PLS1: variants seen among roughly 807,000 people sequenced by gnomAD.
The protein encoded by PLS1 is plastin 1.
Under a neutral mutation model 73.7 loss-of-function variants are expected in PLS1, and 32 were observed. The ratio of observed to expected loss-of-function variants is 0.43; its 90% CI spans 0.33 to 0.58. The LOEUF (loss-of-function observed/expected upper bound fraction) is 0.58, where lower values mean the gene tolerates loss of function less well. PLS1 is among the 20% of genes least tolerant of loss of function. The pLI, the probability that PLS1 is intolerant of heterozygous loss-of-function variation, is 0.04. For missense variants in PLS1, 633 were observed against 740.5 expected, an observed-to-expected ratio of 0.85 and a Z score of 1.68; for synonymous variants, 217 against 261.3, an observed-to-expected ratio of 0.83 and a Z score of 1.63.
At chr3:142,615,496 A>AT (rs1560030847) in intron 1 of PLS1, among the ~76,000 whole-genome samples, 1 of 151,850 alleles carries the variant, frequency 6.6e-6, no homozygotes, top group Non-Finnish European at 1.5e-5. Context: ...TCTTCCTTTT[A>AT]TTTTTTGAAC....
At chr3:142,648,971 CAT>C (rs1324924587) in intron 1 of PLS1, among the ~76,000 whole-genome samples, 2 of 152,100 alleles carry the variant, frequency 1.3e-5, no homozygotes, top group African/African-American at 4.8e-5. Context: ...ACATCTTGGA[CAT>C]ATATATATTT....
rs192380347 is a variant in PLS1, at chr3:142,610,457, A to G, written c.-37+13948A>G. On this transcript the variant is annotated intron_variant, in intron 1 of 15. Coordinates refer to ENST00000457734, the MANE Select transcript of PLS1 (RefSeq NM_001145319.2). ...GATCATACTTAAATATAGCAGCTTA[A>G]GACTTTGTAAACCTTTTAAGCAGCC... 1.2e-4 allele frequency among the ~76,000 whole-genome samples: 18 copies of G among 152,378 alleles called. No individual in the cohort carries two copies. In the East Asian group the frequency reaches 3.5e-3, roughly 29 times the overall value.
chr3:142,623,068 C>T (rs930478032), intron 1 of PLS1, among the ~76,000 whole-genome samples: 5 of 152,122 alleles, frequency 3.3e-5, no homozygotes, highest in Non-Finnish European at 5.9e-5. Flanking sequence ...AGGTGGTCCT[C>T]CTGCCTCAGC....
chr3:142,683,869 G>A, intron 6 of PLS1, 137 bp from the exon 7 acceptor site: 2 of 589,300 alleles, frequency 3.4e-6, no homozygotes, highest in Non-Finnish European at 5.8e-6. Flanking sequence ...TTTTTTTTGA[G>A]TAGTGGTATT....
chr3:142,669,677 GAT>G (rs2037563769), intron 3 of PLS1, 124 bp downstream of exon 3: 1 of 512,786 alleles, frequency 2.0e-6, no homozygotes, highest in African/African-American at 2.5e-5. Flanking sequence ...TTAAAATGAT[GAT>G]GATGATGATG....
intron 1 of PLS1, among the ~76,000 whole-genome samples, chr3:142,656,031 A>C (rs891972669): frequency 7.2e-5 from 11 of 152,028 alleles, no homozygotes; most frequent in African/African-American, 2.4e-4. Flanking sequence ...GTGCAATCTC[A>C]GTTCACTGCA....
chr3:142,646,507 AAG>A (rs1365941061), intron 1 of PLS1, among the ~76,000 whole-genome samples: 1 of 152,222 alleles, frequency 6.6e-6, no homozygotes, highest in East Asian at 1.9e-4. Flanking sequence ...GTATAGGAAA[AAG>A]TTTCTCCATA....
At chr3:142,684,899 C>A (rs1014602642) in intron 8 of PLS1, among the ~76,000 whole-genome samples, 3 of 152,182 alleles carry the variant, frequency 2.0e-5, no homozygotes, top group African/African-American at 7.2e-5. Context: ...AGAATCTTGT[C>A]AAGGAAACTA....
At chr3:142,635,087 T>C (rs2036647890) in intron 1 of PLS1, among the ~76,000 whole-genome samples, 1 of 152,082 alleles carries the variant, frequency 6.6e-6, no homozygotes, top group Non-Finnish European at 1.5e-5. Flanking sequence ...CACACTGTAA[T>C]ATTCTTATGC....
intron 1 of PLS1, among the ~76,000 whole-genome samples, chr3:142,638,181 T>G (rs2036740344): frequency 6.6e-6 from 1 of 152,230 alleles, no homozygotes; most frequent in African/African-American, 2.4e-5. Flanking sequence ...AAATAGTGCC[T>G]GGCCTTTCAC....
chr3:142,663,494 T>A (rs1327991858), intron 1 of PLS1, among the ~76,000 whole-genome samples: 1 of 152,090 alleles, frequency 6.6e-6, no homozygotes, highest in African/African-American at 2.4e-5. Context: ...GGCTAGGAGT[T>A]CAAGACCAGC....
At position 142,676,171 on chromosome 3, in the gene PLS1, GC is replaced by G; in HGVS notation, c.380del (p.Ala127ValfsTer6). The G allele has an allele frequency of 6.2e-7, 1 of 1,611,712 alleles. No homozygotes were observed. The highest frequency in any genetic ancestry group is 8.5e-7 in the Non-Finnish European group (1 of 1,179,294). On this transcript the variant is annotated frameshift_variant, in exon 5 of 16. Coordinates refer to ENST00000457734, the MANE Select transcript of PLS1 (RefSeq NM_001145319.2). LOFTEE classifies it high-confidence loss of function. ...QHSYSEEEKV[A>X]FVNWINKALE... The stretch of plus-strand genomic sequence containing the variant: ...TCTCCTTTCAGAGGAAGAAAAAGTG[GC>G]TTTTGTTAACTGGATAAACAAAGCC...
intron 11 of PLS1, among the ~76,000 whole-genome samples, chr3:142,696,410 T>G (rs1194888170): frequency 6.6e-6 from 1 of 152,160 alleles, no homozygotes; most frequent in Non-Finnish European, 1.5e-5. Flanking sequence ...AAAAGTAACA[T>G]AATCTTGGAG....
At chr3:142,617,144 A>AG (rs777914551) in intron 1 of PLS1, among the ~76,000 whole-genome samples, 240 of 134,258 alleles carry the variant, frequency 1.8e-3, no homozygotes, top group East Asian at 4.9e-3. Flanking sequence ...GTGATTAGGA[A>AG]GATTTTTTTT....
chr3:142,610,619 C>T (rs2036104788), intron 1 of PLS1, among the ~76,000 whole-genome samples: 1 of 151,936 alleles, frequency 6.6e-6, no homozygotes. Flanking sequence ...ATGTAGAATT[C>T]TCTTGTTAGT....
intron 1 of PLS1, among the ~76,000 whole-genome samples, chr3:142,637,966 G>T (rs1020076547): frequency 6.6e-6 from 1 of 151,506 alleles, no homozygotes; most frequent in Non-Finnish European, 1.5e-5. Context: ...CACTGCTCTC[G>T]AAGAAGCTAG....
chr3:142,677,285 C>T (rs996353206), intron 5 of PLS1, among the ~76,000 whole-genome samples: 1 of 152,074 alleles, frequency 6.6e-6, no homozygotes, highest in African/African-American at 2.4e-5. Flanking sequence ...TGGAGAATTT[C>T]TTTGTTTTAG....
chr3:142,663,651 A>G (rs751925819), intron 1 of PLS1, among the ~76,000 whole-genome samples: 7 of 152,194 alleles, frequency 4.6e-5, no homozygotes, highest in Non-Finnish European at 8.8e-5. Flanking sequence ...GTGAGCCACA[A>G]TCATGCCATA....
Position 142,713,273 on chromosome 3 carries a change from G to A in PLS1, c.*1266G>A, listed in dbSNP as rs975524899. On this transcript the variant is annotated 3_prime_UTR_variant, in exon 16 of 16. Coordinates refer to ENST00000457734, the MANE Select transcript of PLS1 (RefSeq NM_001145319.2). ...TCCATCTTCCACTGTTAGTGCCAGT[G>A]AGCAATACTGTTGTGCAACAAAAAT... is the stretch of plus-strand genomic sequence containing the variant. 6 of 152,552 alleles carry A rather than the reference G, an allele frequency of 3.9e-5. No homozygotes were observed. Among genetic ancestry groups the A allele is most frequent in the African/African-American group, 1.2e-4 (5 of 41,428 alleles). The allele number at this position is 152,552 out of a possible 1,614,324, so 9.4% of individuals were successfully genotyped here. A position where few individuals can be genotyped will look rare whatever the true frequency, so the allele number is the denominator to read the frequency against.
Sources: gnomAD v4.1 joint callset for allele counts (sites outside exome capture counted in the v4.1 genomes callset) on GRCh38, gnomAD v4.1.1 for gene constraint, MANE v1.5 for transcripts, NCBI Gene and HGNC (gene_info 2026-07-23, HGNC 2026-07-21) for gene names.